Variants in MPPED2 observed in about 807,000 individuals in gnomAD.
MPPED2 encodes the protein metallophosphoesterase domain containing 2, also known as metallophosphoesterase MPPED2.
MPPED2 carries 5 observed loss-of-function variants against 33.0 expected under a neutral mutation model. The observed-to-expected ratio is 0.15, with a 90% CI of 0.08 to 0.32. The LOEUF (loss-of-function observed/expected upper bound fraction) is 0.32. Among genes scored for constraint, MPPED2 ranks in the 10% least tolerant of loss-of-function variants. The pLI, the probability that MPPED2 is intolerant of heterozygous loss-of-function variation, is 1.00. For synonymous variants in MPPED2, 136 were observed against 141.9 expected, an observed-to-expected ratio of 0.96 and a Z score of 0.29; for missense variants, 275 against 372.1, an observed-to-expected ratio of 0.74 and a Z score of 2.15.
intron 4 of MPPED2, among the ~76,000 whole-genome samples, chr11:30,432,378 A>G (rs956547569): frequency 1.3e-5 from 2 of 152,214 alleles, no homozygotes; most frequent in Non-Finnish European, 2.9e-5. Flanking sequence ...TCTGTTTTAT[A>G]AATAGAACAT....
chr11:30,430,959 C>T (rs1009625068), intron 4 of MPPED2, among the ~76,000 whole-genome samples: 3 of 152,044 alleles, frequency 2.0e-5, no homozygotes, highest in Non-Finnish European at 4.4e-5. Flanking sequence ...CAGGAAAAAT[C>T]AGAATTAGAG....
intron 4 of MPPED2, among the ~76,000 whole-genome samples, chr11:30,428,485 GCT>G (rs1215842408): frequency 6.6e-6 from 1 of 152,134 alleles, no homozygotes; most frequent in African/African-American, 2.4e-5. Context: ...GATGCAGTGA[GCT>G]CTGATACACC....
At chr11:30,425,456 C>T (rs535260623) in intron 4 of MPPED2, 1 of 152,256 alleles carries the variant, frequency 6.6e-6, no homozygotes, top group East Asian at 1.9e-4. Flanking sequence ...CTCAAGCATA[C>T]CTGCCTTTAA....
downstream of MPPED2, among the ~76,000 whole-genome samples, chr11:30,408,504 G>A (rs988769445): frequency 6.6e-6 from 1 of 152,104 alleles, no homozygotes; most frequent in African/African-American, 2.4e-5. Flanking sequence ...TAGAGACGGG[G>A]TTTCACCATG....
chr11:30,454,789 G>T (rs1590338352), intron 4 of MPPED2, among the ~76,000 whole-genome samples: 1 of 152,030 alleles, frequency 6.6e-6, no homozygotes, highest in Non-Finnish European at 1.5e-5. Context: ...CTAGTGCTGG[G>T]CCAGATTCTG....
chr11:30,421,001 T>C (rs1008386627), intron 4 of MPPED2, among the ~76,000 whole-genome samples: 2 of 152,208 alleles, frequency 1.3e-5, no homozygotes, highest in African/African-American at 4.8e-5. Context: ...CAAAAGCATC[T>C]GTTTTGCTAG....
At chr11:30,502,539 A>C (rs890713822) in intron 3 of MPPED2, among the ~76,000 whole-genome samples, 2 of 152,226 alleles carry the variant, frequency 1.3e-5, no homozygotes, top group African/African-American at 2.4e-5. Context: ...ACAGGCTCCC[A>C]GGAGAATGTG....
intron 4 of MPPED2, among the ~76,000 whole-genome samples, chr11:30,475,270 C>A (rs1464415472): frequency 1.3e-5 from 2 of 152,026 alleles, no homozygotes; most frequent in African/African-American, 4.8e-5. Context: ...GCCGAATATC[C>A]TTCTCAAAAA....
intron 4 of MPPED2, among the ~76,000 whole-genome samples, chr11:30,472,034 C>A (rs903178214): frequency 3.3e-5 from 5 of 152,114 alleles, no homozygotes; most frequent in Non-Finnish European, 5.9e-5. Context: ...CATTTGTGCA[C>A]AACATTTGGG....
chr11:30,471,411 CT>C (rs1286180301), intron 4 of MPPED2, among the ~76,000 whole-genome samples: 1 of 152,206 alleles, frequency 6.6e-6, no homozygotes, highest in Non-Finnish European at 1.5e-5. Context: ...ACATGAGGCC[CT>C]TATGACCTTC....
rs540438589 is a variant in MPPED2, at chr11:30,496,709, G to C, written c.311-1188C>G. ...CTTAGTGGGGAAGAGAATTTTGTGG[G>C]CGGGGGGTGGGGGGAGGTGAGGGGA... On this transcript the variant is annotated intron_variant, in intron 3 of 6. Transcript: ENST00000358117. Among the ~76,000 whole-genome samples the C allele has an allele frequency of 6.2e-5, 8 of 129,192 alleles. No individual in the cohort carries two copies. The East Asian group carries it at 2.1e-3, about 33-fold the overall frequency. 84.8% of individuals were successfully genotyped at this position (129,192 alleles called of 152,430 possible). A position where few individuals can be genotyped will look rare whatever the true frequency, so the allele number is the denominator to read the frequency against.
At chr11:30,542,470 A>G (rs2134544150) in intron 2 of MPPED2, among the ~76,000 whole-genome samples, 1 of 149,390 alleles carries the variant, frequency 6.7e-6, no homozygotes, top group African/African-American at 2.4e-5. Context: ...AAAAAAAAAA[A>G]AAAAAAAAAA....
chr11:30,527,309 A>C (rs1954249723), intron 3 of MPPED2, among the ~76,000 whole-genome samples: 1 of 152,070 alleles, frequency 6.6e-6, no homozygotes, highest in African/African-American at 2.4e-5. Flanking sequence ...ATTGTTTCAA[A>C]AAATCAGAAA....
chr11:30,428,345 A>G (rs1212033761), intron 4 of MPPED2, among the ~76,000 whole-genome samples: 1 of 152,204 alleles, frequency 6.6e-6, no homozygotes, highest in Non-Finnish European at 1.5e-5. Flanking sequence ...AGAGGTGAGC[A>G]AAGTATTAAT....
chr11:30,515,224 A>G (rs1195424905), intron 3 of MPPED2, among the ~76,000 whole-genome samples: 3 of 152,160 alleles, frequency 2.0e-5, no homozygotes, highest in Non-Finnish European at 4.4e-5. Context: ...ATGAAAAGAG[A>G]GTGGAAAAGA....
At chr11:30,500,669 G>C (rs1952515343) in intron 3 of MPPED2, among the ~76,000 whole-genome samples, 2 of 152,174 alleles carry the variant, frequency 1.3e-5, no homozygotes, top group South Asian at 4.1e-4. Flanking sequence ...TAAACCATCA[G>C]TGCACGTTCA....
chr11:30,446,417 T>C (rs1020833134), intron 4 of MPPED2, among the ~76,000 whole-genome samples: 2 of 152,186 alleles, frequency 1.3e-5, no homozygotes, highest in African/African-American at 4.8e-5. Flanking sequence ...GAATGGCATG[T>C]TTCTAAAAGT....
intron 3 of MPPED2, among the ~76,000 whole-genome samples, chr11:30,514,086 C>G (rs1953382230): frequency 6.6e-6 from 1 of 152,184 alleles, no homozygotes; most frequent in East Asian, 1.9e-4. Flanking sequence ...CTCAATAGCA[C>G]AGCCCCCAGT....
chr11:30,415,890 G>A (rs1948330947), intron 5 of MPPED2, among the ~76,000 whole-genome samples: 1 of 152,206 alleles, frequency 6.6e-6, no homozygotes. Context: ...TGCTGAAGAT[G>A]TCCAAGTCCC....
Sources: allele counts gnomAD v4.1 joint callset (sites outside exome capture counted in the v4.1 genomes callset), GRCh38; gene constraint gnomAD v4.1.1; transcripts MANE v1.5; gene names NCBI Gene and HGNC (gene_info 2026-07-23, HGNC 2026-07-21).